Variants in UBE3D observed in about 807,000 individuals in gnomAD.
The protein encoded by UBE3D is ubiquitin protein ligase E3D.
In UBE3D, 48 loss-of-function variants were observed where a neutral mutation model predicts 49.6. The ratio of observed to expected loss-of-function variants is 0.97; its 90% confidence interval spans 0.77 to 1.23. The LOEUF (loss-of-function observed/expected upper bound fraction) is 1.23, where lower values mean the gene tolerates loss of function less well. UBE3D is among the 50% of genes most tolerant of loss of function. UBE3D has a pLI of 0.00. For synonymous variants in UBE3D, 189 were observed against 174.2 expected (o/e 1.08, Z -0.67); for missense variants, 452 against 468.4 (o/e 0.96, Z 0.32).
chr6:83,019,769 A>C (rs554242189), intron 7 of UBE3D, among the ~76,000 whole-genome samples: 1 of 152,208 alleles, frequency 6.6e-6, no homozygotes, highest in Non-Finnish European at 1.5e-5. Flanking sequence ...AGCCTGATCC[A>C]TGGGGGAGTT....
chr6:83,014,874 A>G (rs1780587254), intron 8 of UBE3D, among the ~76,000 whole-genome samples: 1 of 152,172 alleles, frequency 6.6e-6, no homozygotes, highest in Non-Finnish European at 1.5e-5. Flanking sequence ...TGCTTTTATA[A>G]TTCAAATTAG....
intron 9 of UBE3D, among the ~76,000 whole-genome samples, chr6:82,923,020 A>AAT: frequency 6.6e-6 from 1 of 152,334 alleles, no homozygotes; most frequent in Admixed American, 6.5e-5. Flanking sequence ...TACCATCTCA[A>AAT]GCTAGTTAGA....
intron 8 of UBE3D, among the ~76,000 whole-genome samples, chr6:82,965,076 A>G (rs1582486288): frequency 1.3e-5 from 2 of 152,206 alleles, no homozygotes; most frequent in East Asian, 3.9e-4. Flanking sequence ...ATGCCTTTCA[A>G]ACTTTGCCCA....
chr6:82,977,901 AC>A (rs1337123697), intron 8 of UBE3D, among the ~76,000 whole-genome samples: 1 of 152,136 alleles, frequency 6.6e-6, no homozygotes, highest in Non-Finnish European at 1.5e-5. Flanking sequence ...TTACTATAGG[AC>A]CCAGACTCAT....
intron 8 of UBE3D, among the ~76,000 whole-genome samples, chr6:83,006,168 T>G (rs1014206959): frequency 6.6e-6 from 1 of 152,082 alleles, no homozygotes; most frequent in Non-Finnish European, 1.5e-5. Flanking sequence ...GAGGTTGCAG[T>G]GAGCAGAGAT....
At chr6:83,049,282 A>G (rs1439465143) in intron 3 of UBE3D, among the ~76,000 whole-genome samples, 2 of 152,184 alleles carry the variant, frequency 1.3e-5, no homozygotes, top group African/African-American at 2.4e-5. Flanking sequence ...AATCAAGTGG[A>G]CATTAAGAAT....
intron 4 of UBE3D, among the ~76,000 whole-genome samples, chr6:83,040,393 CTCTCTCTCTCTA>C (rs762914456): frequency 0.013 from 1,192 of 88,724 alleles, 16 homozygotes; most frequent in African/African-American, 0.036. Context: ...CTCTCTCTCT[CTCTCTCTCTCTA>C]TATATATATA....
intron 3 of UBE3D, among the ~76,000 whole-genome samples, chr6:83,045,783 A>G (rs945259408): frequency 1.3e-5 from 2 of 152,164 alleles, no homozygotes; most frequent in East Asian, 1.9e-4. Flanking sequence ...AAAACTACAC[A>G]CTTTGAATTC....
intron 5 of UBE3D, among the ~76,000 whole-genome samples, chr6:83,032,938 G>A (rs1022264274): frequency 2.0e-5 from 3 of 152,152 alleles, no homozygotes; most frequent in Admixed American, 2.0e-4. Context: ...ATGTGATACT[G>A]TGAGTCTATT....
intron 8 of UBE3D, among the ~76,000 whole-genome samples, chr6:83,013,404 C>T (rs548954533): frequency 1.3e-5 from 2 of 152,192 alleles, no homozygotes; most frequent in Non-Finnish European, 2.9e-5. Context: ...CAACAGCATC[C>T]CTAACTGCCA....
At chr6:83,022,417 C>A in intron 7 of UBE3D, 36 bp downstream of exon 7, 5 of 1,381,952 alleles carry the variant, frequency 3.6e-6, no homozygotes, top group Non-Finnish European at 4.9e-6. Flanking sequence ...CCTTGGATTC[C>A]TAGGCTACAA....
At chr6:82,987,717 C>G (rs1421804884) in intron 8 of UBE3D, among the ~76,000 whole-genome samples, 2 of 152,180 alleles carry the variant, frequency 1.3e-5, no homozygotes, top group Non-Finnish European at 2.9e-5. Flanking sequence ...ATCATTCCAT[C>G]TCTTATGTAA....
rs781324476 is a variant in UBE3D at position 83,057,968 on chromosome 6, G to A, written c.132C>T (p.Leu44=). Reference sequence around the variant, plus strand: ...TGCAGCCTTCAGGGGTTTTCATCTGGAGTGAAGATGGCATTATGGAAATAT... The same window carrying A: ...TGCAGCCTTCAGGGGTTTTCATCTGAAGTGAAGATGGCATTATGGAAATAT... ...PMNISIMPSS[L]QMKTPEGCTE... is the part of the protein sequence containing the mutation. Residue 44 remains leucine (L), a synonymous_variant, in exon 2 of 10, where the codon CTC becomes CTT. Transcript: ENST00000369747. 6.2e-7 allele frequency: 1 copy of A among 1,614,166 alleles called. No homozygotes were observed.
chr6:82,917,879 C>G (rs1773038790), intron 9 of UBE3D, among the ~76,000 whole-genome samples: 1 of 152,210 alleles, frequency 6.6e-6, no homozygotes, highest in Admixed American at 6.5e-5. Context: ...TGCTGTCTCT[C>G]TAAACTCTGC....
chr6:83,006,378 C>G (rs950082872), intron 8 of UBE3D, among the ~76,000 whole-genome samples: 1 of 152,098 alleles, frequency 6.6e-6, no homozygotes, highest in Non-Finnish European at 1.5e-5. Context: ...CCCAATGTCC[C>G]TGTATTTGGA....
intron 9 of UBE3D, among the ~76,000 whole-genome samples, chr6:82,932,209 A>G (rs1159458644): frequency 2.6e-5 from 4 of 152,210 alleles, no homozygotes; most frequent in Admixed American, 2.6e-4. Context: ...CTTTATTAGC[A>G]GCATGAGAAC....
intron 1 of UBE3D, among the ~76,000 whole-genome samples, chr6:83,061,848 C>T (rs1016221645): frequency 6.6e-6 from 1 of 152,126 alleles, no homozygotes; most frequent in Non-Finnish European, 1.5e-5. Flanking sequence ...GCCATAAGAT[C>T]TTTTACTATG....
chr6:82,990,296 G>T (rs865824330), intron 8 of UBE3D, among the ~76,000 whole-genome samples: 5 of 151,396 alleles, frequency 3.3e-5, no homozygotes, highest in African/African-American at 9.7e-5. Flanking sequence ...TTATTTTTTT[G>T]AGACAGAGTC....
intron 8 of UBE3D, among the ~76,000 whole-genome samples, chr6:82,964,169 G>C (rs541335342): frequency 2.0e-5 from 3 of 151,904 alleles, no homozygotes; most frequent in Non-Finnish European, 4.4e-5. Flanking sequence ...AAGCAACTAC[G>C]GCCTATCTAT....
Sources: allele counts gnomAD v4.1 joint callset (sites outside exome capture counted in the v4.1 genomes callset), GRCh38; gene constraint gnomAD v4.1.1; transcripts MANE v1.5; gene names NCBI Gene and HGNC (gene_info 2026-07-23, HGNC 2026-07-21).